Variants in RCOR1 observed in about 807,000 individuals in gnomAD.
RCOR1 encodes REST corepressor.
A neutral mutation model predicts 64.0 loss-of-function variants in RCOR1; 12 were observed. The ratio of observed to expected loss-of-function variants is 0.19; its 90% CI spans 0.12 to 0.30. The LOEUF is 0.30. Among genes scored for constraint, RCOR1 ranks in the 10% least tolerant of loss-of-function variants. RCOR1 has a pLI of 1.00. For synonymous variants in RCOR1, 279 were observed against 227.2 expected (o/e 1.23, Z -2.05); for missense variants, 502 against 621.2 (o/e 0.81, Z 2.04).
In RCOR1 at chr14:102,729,800, T is replaced by G; in HGVS notation, c.*3294T>G. 2.5e-6 allele frequency: 1 copy of G among 399,098 alleles called. No homozygotes were observed. The highest frequency in any genetic ancestry group is 4.4e-6 in the Non-Finnish European group (1 of 226,072). The allele number at this position is 399,098 out of a possible 1,614,324, so 24.7% of individuals were successfully genotyped here. ...AAGCCAAACAGTGCATTACGCTAAC[T>G]GGATCCCTGCTTTTATGTGAGCTAA... On this transcript the variant is annotated 3_prime_UTR_variant, in exon 12 of 12. Coordinates refer to ENST00000262241, the MANE Select transcript of RCOR1 (RefSeq NM_015156.4).
intron 2 of RCOR1, among the ~76,000 whole-genome samples, chr14:102,630,653 T>G (rs1176473926): frequency 6.6e-6 from 1 of 152,112 alleles, no homozygotes; most frequent in African/African-American, 2.4e-5. Context: ...TAATACCTCA[T>G]CCAGAAGATA....
intron 2 of RCOR1, among the ~76,000 whole-genome samples, chr14:102,607,164 C>A (rs1317200635): frequency 2.0e-5 from 3 of 152,016 alleles, no homozygotes; most frequent in Non-Finnish European, 2.9e-5. Context: ...AACTTCTAAC[C>A]TTAGGTGATC....
chr14:102,723,064 C>G (rs1595247421), intron 11 of RCOR1, among the ~76,000 whole-genome samples: 1 of 152,238 alleles, frequency 6.6e-6, no homozygotes, highest in East Asian at 1.9e-4. Context: ...GCCTGCCTTG[C>G]TGTTACATTT....
At chr14:102,718,100 A>G (rs1399776739) in intron 8 of RCOR1, among the ~76,000 whole-genome samples, 1 of 152,226 alleles carries the variant, frequency 6.6e-6, no homozygotes, top group Non-Finnish European at 1.5e-5. Flanking sequence ...AGAAGTGCCA[A>G]CATCAGTGGC....
chr14:102,681,859 A>G, intron 2 of RCOR1, 36 bp from the exon 3 acceptor site: 2 of 1,482,508 alleles, frequency 1.3e-6, no homozygotes, highest in Non-Finnish European at 1.9e-6. Context: ...TATGTGTTAA[A>G]TTTTAATAAG....
intron 2 of RCOR1, among the ~76,000 whole-genome samples, chr14:102,630,739 T>C (rs1894094116): frequency 6.6e-6 from 1 of 152,142 alleles, no homozygotes; most frequent in African/African-American, 2.4e-5. Flanking sequence ...TCCACTCACC[T>C]CCGGACTGTT....
At chr14:102,671,972 A>G (rs1296371187) in intron 2 of RCOR1, among the ~76,000 whole-genome samples, 2 of 152,086 alleles carry the variant, frequency 1.3e-5, no homozygotes, top group Admixed American at 6.5e-5. Flanking sequence ...TTCACTTAGC[A>G]TAGTGTTTCA....
intron 5 of RCOR1, 141 bp downstream of exon 5, chr14:102,707,653 A>T (rs556003323): frequency 9.8e-6 from 7 of 714,664 alleles, no homozygotes; most frequent in Non-Finnish European, 2.3e-6. Flanking sequence ...AGCTTAGTAC[A>T]TGCTGCTCTG....
intron 2 of RCOR1, among the ~76,000 whole-genome samples, chr14:102,673,132 A>G (rs1180748910): frequency 6.6e-6 from 1 of 152,224 alleles, no homozygotes; most frequent in Non-Finnish European, 1.5e-5. Context: ...TTTTAAGAAT[A>G]TCTTTATTGT....
chr14:102,641,954 C>T (rs963201737), intron 2 of RCOR1, among the ~76,000 whole-genome samples: 1 of 152,084 alleles, frequency 6.6e-6, no homozygotes, highest in Admixed American at 6.6e-5. Flanking sequence ...ATTTGAGCAG[C>T]ACTGAATCTG....
intron 2 of RCOR1, among the ~76,000 whole-genome samples, chr14:102,615,128 G>GC (rs11382616): frequency 0.6 from 79,682 of 132,648 alleles, 23,176 homozygotes; most frequent in South Asian, 0.7. Context: ...ATAGTGCCCG[G>GC]CCCCCCCGCC....
At chr14:102,614,256 G>A (rs1371368481) in intron 2 of RCOR1, among the ~76,000 whole-genome samples, 2 of 132,356 alleles carry the variant, frequency 1.5e-5, no homozygotes, top group African/African-American at 5.8e-5. Context: ...ACGGAGTCTC[G>A]CTTTGTCACC....
intron 2 of RCOR1, among the ~76,000 whole-genome samples, chr14:102,656,850 A>G (rs1158461177): frequency 1.3e-5 from 2 of 150,582 alleles, no homozygotes; most frequent in Non-Finnish European, 3.0e-5. Context: ...ATCTCAGCTC[A>G]CTGCAACCTC....
intron 2 of RCOR1, among the ~76,000 whole-genome samples, chr14:102,632,011 T>C (rs531914195): frequency 5.5e-4 from 83 of 151,730 alleles, no homozygotes; most frequent in Non-Finnish European, 1.1e-3. Context: ...GGTTTCACCA[T>C]GTTGGCCAGG....
Position 102,643,491 on chromosome 14 carries a change from C to T in RCOR1, c.362-38404C>T, listed in dbSNP as rs181087424. On this transcript the variant is annotated intron_variant, in intron 2 of 11. Transcript: ENST00000262241. The stretch of plus-strand genomic sequence containing the variant: ...TAATTACCTTGCCAGAACTGAAAAG[C>T]GGTGGTAGTGATGCTGGAGGAAGCA... 756 of 220,512 alleles carry T rather than the reference C, an allele frequency of 3.4e-3. 1 individual carries two copies. The highest frequency in any genetic ancestry group is 4.7e-3 in the Non-Finnish European group (611 of 130,658). 13.7% of individuals were successfully genotyped at this position (220,512 alleles called of 1,614,324 possible).
At chr14:102,621,977 C>G (rs1173152787) in intron 2 of RCOR1, among the ~76,000 whole-genome samples, 3 of 152,114 alleles carry the variant, frequency 2.0e-5, no homozygotes, top group Non-Finnish European at 4.4e-5. Flanking sequence ...AAATTCCTCC[C>G]CCTCTCCCCG....
At chr14:102,669,735 A>C (rs749235190) in intron 2 of RCOR1, among the ~76,000 whole-genome samples, 2 of 152,232 alleles carry the variant, frequency 1.3e-5, no homozygotes, top group Non-Finnish European at 1.5e-5. Context: ...TGCCTAGCAC[A>C]TAGTAAGCAT....
intron 2 of RCOR1, among the ~76,000 whole-genome samples, chr14:102,660,179 C>G (rs1057243584): frequency 1.3e-4 from 20 of 152,112 alleles, no homozygotes; most frequent in African/African-American, 4.8e-4. Flanking sequence ...GGTCTGAGTT[C>G]TGAGCCCATC....
intron 8 of RCOR1, 31 bp downstream of exon 8, chr14:102,714,648 G>T (rs1177341312): frequency 1.6e-5 from 24 of 1,505,990 alleles, no homozygotes; most frequent in Non-Finnish European, 2.2e-5. Flanking sequence ...GGATGTAAAA[G>T]AATTAATTAG....
Sources: allele counts gnomAD v4.1 joint callset (sites outside exome capture counted in the v4.1 genomes callset), GRCh38; gene constraint gnomAD v4.1.1; transcripts MANE v1.5; gene names NCBI Gene and HGNC (gene_info 2026-07-23, HGNC 2026-07-21).